GLT1D1: variants seen among roughly 807,000 people sequenced by gnomAD.
GLT1D1 encodes glycosyltransferase 1 domain containing 1.
GLT1D1 carries 21 observed loss-of-function variants against 28.7 expected under a neutral mutation model. That is an observed-to-expected ratio of 0.73 (90% CI 0.52 to 1.05). The LOEUF is 1.05. GLT1D1 is among the 50% of genes least tolerant of loss of function. The pLI, the probability that GLT1D1 is intolerant of heterozygous loss-of-function variation, is 0.00. For missense variants in GLT1D1, 343 were observed against 330.6 expected, an observed-to-expected ratio of 1.04 and a Z score of -0.29; for synonymous variants, 147 against 124.8, an observed-to-expected ratio of 1.18 and a Z score of -1.19.
At chr12:128,928,129 A>T (rs903932580) in intron 4 of GLT1D1, among the ~76,000 whole-genome samples, 2 of 152,086 alleles carry the variant, frequency 1.3e-5, no homozygotes, top group Admixed American at 6.5e-5. Context: ...CATAAGGCAA[A>T]TATTATGTGT....
chr12:128,894,196 G>C (rs1018310253), intron 3 of GLT1D1, among the ~76,000 whole-genome samples: 48 of 152,104 alleles, frequency 3.2e-4, no homozygotes, highest in Non-Finnish European at 2.9e-5. Flanking sequence ...GAAGTCCAGC[G>C]TGAGATCCTC....
Position 128,926,349 on chromosome 12 carries a change from T to C in GLT1D1, c.376-18977T>C. 1 of 1,428,928 alleles carries C rather than the reference T, an allele frequency of 7.0e-7. No individual in the cohort carries two copies. Among genetic ancestry groups the C allele is most frequent in the Non-Finnish European group, 9.5e-7 (1 of 1,049,912 alleles). 88.5% of individuals were successfully genotyped at this position (1,428,928 alleles called of 1,614,324 possible). A position where few individuals can be genotyped will look rare whatever the true frequency, so the allele number is the denominator to read the frequency against. ...CCCCACTGAAAACATTCTGAACTCT[T>C]CTCTTACAGAGATTAACCAAAGTGC... is the stretch of plus-strand genomic sequence containing the variant. On this transcript the variant is annotated intron_variant, in intron 4 of 7. Transcript: ENST00000281703.
intron 4 of GLT1D1, among the ~76,000 whole-genome samples, chr12:128,911,484 C>T (rs113150673): frequency 1.9e-3 from 295 of 152,358 alleles, no homozygotes; most frequent in African/African-American, 6.1e-3. Flanking sequence ...GGTGTGTCTT[C>T]TGTGACCTCC....
intron 6 of GLT1D1, among the ~76,000 whole-genome samples, chr12:128,953,617 G>A (rs1249704549): frequency 1.3e-5 from 2 of 152,088 alleles, no homozygotes; most frequent in Admixed American, 6.5e-5. Flanking sequence ...GAATTTTATG[G>A]TTTTAATTTG....
At chr12:128,970,726 C>T (rs540280189) in intron 7 of GLT1D1, among the ~76,000 whole-genome samples, 8 of 152,370 alleles carry the variant, frequency 5.3e-5, no homozygotes, top group African/African-American at 1.9e-4. Context: ...GTTGAAATCA[C>T]CTTGGAAGGA....
intron 4 of GLT1D1, among the ~76,000 whole-genome samples, chr12:128,913,296 G>A (rs958509118): frequency 2.0e-5 from 3 of 151,954 alleles, no homozygotes; most frequent in Non-Finnish European, 2.9e-5. Flanking sequence ...CTTGGTTCAC[G>A]TCAACCTCCG....
At chr12:128,904,112 T>C (rs942016425) in intron 4 of GLT1D1, among the ~76,000 whole-genome samples, 4 of 151,708 alleles carry the variant, frequency 2.6e-5, no homozygotes, top group African/African-American at 9.7e-5. Context: ...CATGACCCAG[T>C]TTATTGTTCC....
chr12:128,879,387 T>C (rs1299059381), intron 2 of GLT1D1, among the ~76,000 whole-genome samples: 17 of 46,124 alleles, frequency 3.7e-4, no homozygotes, highest in Middle Eastern at 0.011. Context: ...TTTTTCTTTC[T>C]TTCTTTCTTT....
chr12:128,966,601 G>A (rs1878481611), intron 7 of GLT1D1, among the ~76,000 whole-genome samples: 1 of 152,146 alleles, frequency 6.6e-6, no homozygotes, highest in Non-Finnish European at 1.5e-5. Flanking sequence ...GGGGTTTTGT[G>A]CTCTTCTGCA....
At chr12:128,895,357 T>C (rs1468149069) in intron 3 of GLT1D1, among the ~76,000 whole-genome samples, 1 of 152,120 alleles carries the variant, frequency 6.6e-6, no homozygotes, top group Non-Finnish European at 1.5e-5. Context: ...GGTATGAAGC[T>C]TAGGGTTTGT....
At chr12:128,946,845 C>G (rs1967588) in intron 5 of GLT1D1, among the ~76,000 whole-genome samples, 82 of 150,978 alleles carry the variant, frequency 5.4e-4, no homozygotes, top group Non-Finnish European at 9.2e-4. Context: ...GACGGGGTTT[C>G]GCCATGTTCG....
chr12:128,950,218 A>G (rs1371719286), intron 6 of GLT1D1, among the ~76,000 whole-genome samples: 2 of 152,184 alleles, frequency 1.3e-5, no homozygotes, highest in Non-Finnish European at 2.9e-5. Flanking sequence ...TGCCGGTTCA[A>G]GGTGCCAGAA....
At chr12:128,967,942 G>A (rs139411231) in intron 7 of GLT1D1, among the ~76,000 whole-genome samples, 106 of 152,298 alleles carry the variant, frequency 7.0e-4, no homozygotes, top group African/African-American at 2.5e-3. Flanking sequence ...GGAAACTCGG[G>A]ACAAAGCATG....
intron 4 of GLT1D1, among the ~76,000 whole-genome samples, chr12:128,939,292 C>T (rs1468637768): frequency 6.6e-6 from 1 of 151,842 alleles, no homozygotes; most frequent in East Asian, 1.9e-4. Context: ...CCGGGTGCAG[C>T]AGCTCATACC....
At chr12:128,944,983 T>C in intron 4 of GLT1D1, 1 of 574,558 alleles carries the variant, frequency 1.7e-6, no homozygotes, top group Non-Finnish European at 3.1e-6. Context: ...TGTGTGATGT[T>C]CCCCTCCCTG....
At chr12:128,963,908 G>A (rs1350168826) in intron 7 of GLT1D1, among the ~76,000 whole-genome samples, 5 of 152,202 alleles carry the variant, frequency 3.3e-5, no homozygotes, top group Non-Finnish European at 5.9e-5. Flanking sequence ...CATCATGAGC[G>A]ACACCTGTCT....
chr12:128,929,248 A>G (rs1237731225), intron 4 of GLT1D1, among the ~76,000 whole-genome samples: 1 of 152,118 alleles, frequency 6.6e-6, no homozygotes, highest in African/African-American at 2.4e-5. Context: ...GCTTTATGGT[A>G]TTTTGCAATA....
intron 7 of GLT1D1, among the ~76,000 whole-genome samples, chr12:128,961,376 G>A (rs1181582023): frequency 6.6e-6 from 1 of 152,156 alleles, no homozygotes; most frequent in East Asian, 1.9e-4. Flanking sequence ...GTTTATCAAA[G>A]CGCCACTCAC....
At chr12:128,911,617 G>A (rs1045161937) in intron 4 of GLT1D1, among the ~76,000 whole-genome samples, 2 of 152,072 alleles carry the variant, frequency 1.3e-5, no homozygotes, top group African/African-American at 2.4e-5. Flanking sequence ...GAGAGAAACC[G>A]TCCTTGGCAT....
Sources: allele counts gnomAD v4.1 joint callset (sites outside exome capture counted in the v4.1 genomes callset), GRCh38; gene constraint gnomAD v4.1.1; transcripts MANE v1.5; gene names NCBI Gene and HGNC (gene_info 2026-07-23, HGNC 2026-07-21).